CROCC2: variants seen among roughly 807,000 people sequenced by gnomAD.
CROCC2 encodes the protein ciliary rootlet coiled-coil protein 2.
In CROCC2, 163 loss-of-function variants were observed where a neutral mutation model predicts 177.6. The ratio of observed to expected loss-of-function variants is 0.92; its 90% CI spans 0.81 to 1.05. CROCC2 has a LOEUF of 1.05. CROCC2 is among the 50% of genes least tolerant of loss of function. CROCC2 has a pLI of 0.00. For synonymous variants in CROCC2, 904 were observed against 787.3 expected (o/e 1.15, Z -2.48); for missense variants, 1,929 against 1,797.8 (o/e 1.07, Z -1.32).
At chr2:240,910,657 G>T (rs2059281655) in intron 1 of CROCC2, among the ~76,000 whole-genome samples, 1 of 152,194 alleles carries the variant, frequency 6.6e-6, no homozygotes, top group Admixed American at 6.5e-5. Flanking sequence ...TCTCGTTTCT[G>T]ATACTAGCCG....
At chr2:240,987,610 G>A (rs1241449313) in intron 28 of CROCC2, among the ~76,000 whole-genome samples, 1 of 152,234 alleles carries the variant, frequency 6.6e-6, no homozygotes, top group Non-Finnish European at 1.5e-5. Flanking sequence ...GCCTGCTCCA[G>A]CCCTGAAGCT....
chr2:240,948,823 A>G (rs1236040575), intron 15 of CROCC2, among the ~76,000 whole-genome samples, 156 bp from the exon 16 acceptor site: 2 of 152,266 alleles, frequency 1.3e-5, no homozygotes, highest in Non-Finnish European at 2.9e-5. Context: ...TGTTAACAGC[A>G]CATGGTGCTC....
intron 19 of CROCC2, 50 bp downstream of exon 19, chr2:240,956,022 G>A: frequency 7.3e-7 from 1 of 1,376,158 alleles, no homozygotes; most frequent in Non-Finnish European, 1.0e-6. Context: ...GGTGCTGGCA[G>A]ACCCCAGGGG....
At chr2:240,944,438 T>C (rs1250121307) in intron 14 of CROCC2, among the ~76,000 whole-genome samples, 1 of 152,214 alleles carries the variant, frequency 6.6e-6, no homozygotes, top group African/African-American at 2.4e-5. Context: ...ACACATATGA[T>C]GGGCATTTTT....
chr2:240,990,615 C>T (rs2059871539), intron 30 of CROCC2, among the ~76,000 whole-genome samples: 1 of 151,810 alleles, frequency 6.6e-6, no homozygotes, highest in African/African-American at 2.4e-5. Flanking sequence ...TGGATTCTCA[C>T]TCTGTCACCT....
rs1250310851 is a variant in CROCC2, at chr2:240,959,214, C to G, written c.2944-87C>G. ...TCCCCCTCCCAGGCCACTGCAACACCTCTCTCTCCAGGGTCCTGGCCTTAC... is the reference window on the plus strand; with the variant it reads ...TCCCCCTCCCAGGCCACTGCAACACGTCTCTCTCCAGGGTCCTGGCCTTAC... On this transcript the variant is annotated intron_variant, in intron 19 of 31. Coordinates refer to ENST00000690015, the MANE Select transcript of CROCC2 (RefSeq NM_001351305.2). 4 of 1,418,730 alleles carry G rather than the reference C, an allele frequency of 2.8e-6. No individual in the cohort carries two copies. The African/African-American group carries it at 5.8e-5, about 21-fold the overall frequency. 87.9% of individuals were successfully genotyped at this position (1,418,730 alleles called of 1,614,324 possible). A position where few individuals can be genotyped will look rare whatever the true frequency, so the allele number is the denominator to read the frequency against.
At chr2:240,928,024 C>G (rs1453459586) in intron 5 of CROCC2, among the ~76,000 whole-genome samples, 7 of 152,230 alleles carry the variant, frequency 4.6e-5, no homozygotes, top group Admixed American at 4.6e-4. Context: ...TAGCCTGTGT[C>G]TGACTATCCA....
In CROCC2 at chr2:240,946,157, AG is replaced by A; in HGVS notation, c.2269del (p.Asp757MetfsTer86). The A allele has an allele frequency of 6.5e-7, 1 of 1,548,654 alleles. No individual in the cohort carries two copies. Among genetic ancestry groups the A allele is most frequent in the South Asian group, 1.2e-5 (1 of 84,000 alleles). On this transcript the variant is annotated frameshift_variant, in exon 15 of 32. Transcript: ENST00000690015. LOFTEE classifies it high-confidence loss of function. ...MGTLQQALQG[K>X]DALSEERAQL... ...ACTCTGCAGCAAGCCCTGCAAGGAA[AG>A]GATGCTCTGTCTGAGGAGCGGGCCC...
intron 1 of CROCC2, among the ~76,000 whole-genome samples, chr2:240,913,305 G>A (rs12478480): frequency 4.8e-5 from 7 of 147,130 alleles, no homozygotes; most frequent in Admixed American, 3.4e-4. Context: ...CACAGTGCCC[G>A]GGCTCTCTAG....
At chr2:240,988,677 G>A (rs1427688840) in intron 28 of CROCC2, 62 bp from the exon 29 acceptor site, 1 of 1,310,632 alleles carries the variant, frequency 7.6e-7, no homozygotes, top group Non-Finnish European at 9.8e-7. Flanking sequence ...CCCAGAGGAG[G>A]GCTGGCCTGA....
At chr2:240,907,515 G>C (rs553624396) in intron 1 of CROCC2, among the ~76,000 whole-genome samples, 2 of 152,242 alleles carry the variant, frequency 1.3e-5, no homozygotes, top group Admixed American at 6.5e-5. Context: ...ACTATGCCAC[G>C]GCAGGCTGAC....
intron 15 of CROCC2, 120 bp from the exon 16 acceptor site, chr2:240,948,859 C>A: frequency 1.1e-6 from 1 of 920,630 alleles, no homozygotes. Context: ...ATTTCTAAAA[C>A]ATTCTTCCAT....
intron 5 of CROCC2, among the ~76,000 whole-genome samples, chr2:240,928,916 T>G (rs2059411067): frequency 7.1e-6 from 1 of 140,350 alleles, no homozygotes; most frequent in South Asian, 2.3e-4. Flanking sequence ...CTCCAGAGTG[T>G]GTATGACCAG....
intron 1 of CROCC2, among the ~76,000 whole-genome samples, chr2:240,911,551 A>G (rs1006586726): frequency 6.6e-6 from 1 of 151,790 alleles, no homozygotes; most frequent in African/African-American, 2.4e-5. Context: ...GCGCGCCTCA[A>G]CCTCCCAAAG....
intron 20 of CROCC2, among the ~76,000 whole-genome samples, chr2:240,963,085 AG>A (rs2059654216): frequency 6.6e-6 from 1 of 152,172 alleles, no homozygotes; most frequent in Non-Finnish European, 1.5e-5. Flanking sequence ...TCACTGTGCC[AG>A]GGTCAGGCCC....
chr2:240,946,319 G>A, intron 15 of CROCC2, 66 bp downstream of exon 15: 1 of 1,420,744 alleles, frequency 7.0e-7, no homozygotes, highest in Non-Finnish European at 9.5e-7. Context: ...TCTGCAGTGT[G>A]GCAGGGTATG....
chr2:240,919,848 C>T, intron 2 of CROCC2, 135 bp from the exon 3 acceptor site: 2 of 579,412 alleles, frequency 3.5e-6, no homozygotes, highest in Non-Finnish European at 6.2e-6. Context: ...TCTGGGACCC[C>T]TCCCAGGAGA....
intron 20 of CROCC2, among the ~76,000 whole-genome samples, chr2:240,961,443 A>T (rs2106476997): frequency 6.6e-6 from 1 of 151,956 alleles, no homozygotes; most frequent in East Asian, 1.9e-4. Flanking sequence ...GTGCGCACAC[A>T]TGCACATACG....
intron 19 of CROCC2, 154 bp from the exon 20 acceptor site, chr2:240,959,147 G>C: frequency 1.2e-6 from 1 of 829,196 alleles, no homozygotes; most frequent in South Asian, 2.0e-5. Context: ...AGGAAACCAA[G>C]GGCCAGTTAC....
Sources: allele counts gnomAD v4.1 joint callset (sites outside exome capture counted in the v4.1 genomes callset), GRCh38; gene constraint gnomAD v4.1.1; transcripts MANE v1.5; gene names NCBI Gene and HGNC (gene_info 2026-07-23, HGNC 2026-07-21).